Variants in DHDDS observed in about 807,000 individuals in gnomAD.
DHDDS encodes dehydrodolichyl diphosphate synthase subunit.
DHDDS carries 16 observed loss-of-function variants against 46.2 expected under a neutral mutation model. The ratio of observed to expected loss-of-function variants is 0.35; its 90% confidence interval spans 0.23 to 0.53. The LOEUF (loss-of-function observed/expected upper bound fraction) is 0.53, where lower values mean the gene tolerates loss of function less well. DHDDS is among the 20% of genes least tolerant of loss of function. The pLI, the probability that DHDDS is intolerant of heterozygous loss-of-function variation, is 0.94. For synonymous variants in DHDDS, 151 were observed against 163.1 expected (o/e 0.93, Z 0.56); for missense variants, 340 against 423.7 (o/e 0.80, Z 1.73).
chr1:26,468,377 G>A (rs9438627), intron 8 of DHDDS, among the ~76,000 whole-genome samples: 8,223 of 152,188 alleles, frequency 0.054, 259 homozygotes, highest in Admixed American at 0.094. Flanking sequence ...ACATGTCCCC[G>A]ACAAGAATAG....
At chr1:26,457,226 A>AGG (rs1205364207) in intron 6 of DHDDS, among the ~76,000 whole-genome samples, 15 of 139,428 alleles carry the variant, frequency 1.1e-4, no homozygotes, top group African/African-American at 3.8e-4. Context: ...TCAGAGGCCG[A>AGG]GGGGGGGGCG....
In DHDDS at chr1:26,471,222, G is replaced by A. The variant is rs1191812807; in HGVS notation, c.*2091G>A. The A allele has an allele frequency of 1.3e-5, 2 of 152,204 alleles. No individual in the cohort carries two copies. Among genetic ancestry groups the A allele is most frequent in the Non-Finnish European group, 2.9e-5 (2 of 68,054 alleles). The allele number at this position is 152,204 out of a possible 1,614,324, so 9.4% of individuals were successfully genotyped here. A position where few individuals can be genotyped will look rare whatever the true frequency, so the allele number is the denominator to read the frequency against. On this transcript the variant is annotated 3_prime_UTR_variant, in exon 9 of 9. Coordinates refer to ENST00000236342, the MANE Select transcript of DHDDS (RefSeq NM_205861.3). ...ACCAATTTAGTGTCCTTCCACCTGT[G>A]AGCCAAGCCCCCATTTGAGGACATC...
rs1251044090 is a variant in DHDDS at position 26,469,329 on chromosome 1, G to T, written c.*198G>T. On this transcript the variant is annotated 3_prime_UTR_variant, in exon 9 of 9. Transcript: ENST00000236342. ...GGACAGGCTCCTGAGGAGGATTGAG[G>T]GTGAAAGTCTCCCACGAGTACACTA... is the stretch of plus-strand genomic sequence containing the variant. The T allele has an allele frequency of 6.1e-6, 6 of 988,402 alleles. 1 individual carries two copies. The highest frequency in any genetic ancestry group is 6.0e-5 in the South Asian group (4 of 66,214). 61.2% of individuals were successfully genotyped at this position (988,402 alleles called of 1,614,324 possible).
chr1:26,442,928 T>A, intron 4 of DHDDS, 55 bp downstream of exon 4: 1 of 1,612,530 alleles, frequency 6.2e-7, no homozygotes, highest in Non-Finnish European at 8.5e-7. Context: ...AGCCTTATCC[T>A]AACCCTTGAA....
chr1:26,457,984 TC>T, intron 7 of DHDDS, 79 bp downstream of exon 7: 1 of 1,258,386 alleles, frequency 7.9e-7, no homozygotes, highest in Non-Finnish European at 1.2e-6. Context: ...GAGTGGTCCA[TC>T]CCCACTCCCA....
intron 6 of DHDDS, among the ~76,000 whole-genome samples, chr1:26,452,343 G>A (rs1376332920): frequency 4.6e-5 from 7 of 152,130 alleles, no homozygotes; most frequent in East Asian, 1.9e-4. Context: ...GCACCTGACC[G>A]AGGTATATAT....
At chr1:26,468,812 C>CCCCCCCCCCACCA in intron 8 of DHDDS, 83 bp from the exon 9 acceptor site, 4 of 601,120 alleles carry the variant, frequency 6.7e-6, no homozygotes, top group Middle Eastern at 5.6e-4. Flanking sequence ...CCACCCTGTG[C>CCCCCCCCCCACCA]CCCACCCCCT....
chr1:26,455,505 G>T (rs2075362831), intron 6 of DHDDS, among the ~76,000 whole-genome samples: 1 of 152,144 alleles, frequency 6.6e-6, no homozygotes, highest in Non-Finnish European at 1.5e-5. Context: ...CCAGCACTTT[G>T]GGAGGCCGAG....
At chr1:26,440,201 A>G (rs148614164) in intron 3 of DHDDS, among the ~76,000 whole-genome samples, 1 of 152,360 alleles carries the variant, frequency 6.6e-6, no homozygotes, top group Non-Finnish European at 1.5e-5. Context: ...CCAGTGTCCT[A>G]GCACAGGGAC....
intron 6 of DHDDS, chr1:26,454,973 T>A: frequency 1.3e-6 from 2 of 1,573,154 alleles, no homozygotes. Context: ...CTGCTTGGCC[T>A]GGGCACACCT....
At chr1:26,450,923 G>T (rs1367279352) in intron 6 of DHDDS, among the ~76,000 whole-genome samples, 1 of 152,174 alleles carries the variant, frequency 6.6e-6, no homozygotes, top group African/African-American at 2.4e-5. Context: ...CACAAGGGTT[G>T]ACACTAGAAT....
chr1:26,457,837 TCTC>T lies in DHDDS; in HGVS notation c.593_595del (p.Pro198del), dbSNP rs746205304. The T allele has an allele frequency of 5.6e-6, 9 of 1,613,828 alleles. No homozygotes were observed. Among genetic ancestry groups the T allele is most frequent in the Non-Finnish European group, 7.6e-6 (9 of 1,180,000 alleles). On this transcript the variant is annotated inframe_deletion, in exon 7 of 9. Transcript: ENST00000236342. ...TGATAAGTGCCTCTATACCAACCGCTCTCCTCATCCTGACATCTTGATACGGAC... is the reference window on the plus strand; with the variant it reads ...TGATAAGTGCCTCTATACCAACCGCTCTCATCCTGACATCTTGATACGGAC...
At chr1:26,445,878 C>T (rs1041144537) in intron 4 of DHDDS, among the ~76,000 whole-genome samples, 5 of 151,962 alleles carry the variant, frequency 3.3e-5, no homozygotes, top group African/African-American at 1.2e-4. Context: ...TAAAAATTAG[C>T]CAGGCCTGGT....
At chr1:26,468,797 T>TTGGCCCCCCCAG in intron 8 of DHDDS, 98 bp from the exon 9 acceptor site, 2 of 1,434,856 alleles carry the variant, frequency 1.4e-6, no homozygotes, top group Non-Finnish European at 9.5e-7. Flanking sequence ...TCCACTTCAC[T>TTGGCCCCCCCAG]TGGCCCACCC....
intron 6 of DHDDS, 34 bp from the exon 7 acceptor site, chr1:26,457,757 T>G: frequency 6.7e-7 from 1 of 1,487,020 alleles, no homozygotes; most frequent in Non-Finnish European, 9.4e-7. Context: ...CTACAGGATG[T>G]GTGCCTCTCT....
chr1:26,442,580 TA>T, intron 3 of DHDDS, 150 bp from the exon 4 acceptor site: 1 of 895,462 alleles, frequency 1.1e-6, no homozygotes, highest in East Asian at 2.4e-5. Context: ...AATTCTGACA[TA>T]AACACTGATG....
intron 8 of DHDDS, among the ~76,000 whole-genome samples, chr1:26,460,469 T>C (rs1221248497): frequency 1.3e-5 from 2 of 152,228 alleles, no homozygotes; most frequent in African/African-American, 2.4e-5. Flanking sequence ...CTTTTATCTT[T>C]TAAAGACTCA....
intron 1 of DHDDS, 44 bp from the exon 2 acceptor site, chr1:26,432,847 C>A: frequency 3.0e-6 from 4 of 1,335,290 alleles, no homozygotes; most frequent in South Asian, 2.4e-5. Flanking sequence ...TATAGCTCTT[C>A]GCAAACCTTG....
At chr1:26,437,517 C>T (rs1292724914) in intron 2 of DHDDS, among the ~76,000 whole-genome samples, 1 of 151,080 alleles carries the variant, frequency 6.6e-6, no homozygotes, top group East Asian at 2.0e-4. Context: ...GTCACCCAGG[C>T]TGGAGTGCAG....
Sources: allele counts gnomAD v4.1 joint callset (sites outside exome capture counted in the v4.1 genomes callset), GRCh38; gene constraint gnomAD v4.1.1; transcripts MANE v1.5; gene names NCBI Gene and HGNC (gene_info 2026-07-23, HGNC 2026-07-21).